WDR35: variants seen among roughly 807,000 people sequenced by gnomAD.
The protein encoded by WDR35 is WD repeat-containing protein 35.
Under a neutral mutation model 158.3 loss-of-function variants are expected in WDR35, and 118 were observed. That is an observed-to-expected ratio of 0.75 (90% CI 0.64 to 0.87). WDR35 has a LOEUF of 0.87. WDR35 is among the 40% of genes least tolerant of loss of function. The probability of loss-of-function intolerance (pLI) is 0.00; values close to 1 mark genes in which losing one functional copy is unlikely to be tolerated. For missense variants in WDR35, 1,263 were observed against 1,405.8 expected, an observed-to-expected ratio of 0.90 and a Z score of 1.62; for synonymous variants, 448 against 476.1, an observed-to-expected ratio of 0.94 and a Z score of 0.77.
chr2:19,986,865 G>C (rs1672581376), intron 2 of WDR35, among the ~76,000 whole-genome samples: 1 of 152,156 alleles, frequency 6.6e-6, no homozygotes, highest in Non-Finnish European at 1.5e-5. Context: ...ACACATATTA[G>C]GAACTTGTAT....
chr2:19,914,606 C>T (rs1669938973), intron 25 of WDR35, among the ~76,000 whole-genome samples: 1 of 152,082 alleles, frequency 6.6e-6, no homozygotes, highest in South Asian at 2.1e-4. Context: ...ATTTCTGTGG[C>T]ACTTCATAAA....
In WDR35 at chr2:19,983,110, G is replaced by A. The variant is rs566121771; in HGVS notation, c.143-576C>T. ...ATAAATGTAACTATAAACTGGGAATGTGAAAGCATAATAAGAAAGAGTAGC... is the reference window on the plus strand; with the variant it reads ...ATAAATGTAACTATAAACTGGGAATATGAAAGCATAATAAGAAAGAGTAGC... On this transcript the variant is annotated intron_variant, in intron 2 of 26. Transcript: ENST00000281405. Among the ~76,000 whole-genome samples the A allele has an allele frequency of 1.1e-3, 175 of 152,306 alleles. 1 individual carries two copies. The highest frequency in any genetic ancestry group is 3.9e-3 in the African/African-American group (163 of 41,576).
chr2:19,914,409 G>A (rs1456677865), intron 25 of WDR35, 132 bp from the exon 26 acceptor site: 4 of 1,159,226 alleles, frequency 3.5e-6, no homozygotes, highest in Non-Finnish European at 5.0e-6. Context: ...AGTGTTGAGA[G>A]ATGGGAGCAC....
chr2:19,954,012 A>G (rs768238258), intron 11 of WDR35, 34 bp from the exon 12 acceptor site: 2 of 1,613,298 alleles, frequency 1.2e-6, no homozygotes, highest in Admixed American at 3.3e-5. Flanking sequence ...ATTTACAGTT[A>G]CACAGAATTG....
At chr2:19,978,727 T>C (rs1032269179) in intron 5 of WDR35, 24 bp downstream of exon 5, 5 of 1,613,496 alleles carry the variant, frequency 3.1e-6, no homozygotes, top group Middle Eastern at 3.3e-4. Context: ...TTGATCTTAG[T>C]TCTATGTCCA....
intron 25 of WDR35, among the ~76,000 whole-genome samples, chr2:19,927,907 G>A (rs1362091036): frequency 6.6e-6 from 1 of 152,220 alleles, no homozygotes; most frequent in Non-Finnish European, 1.5e-5. Context: ...TCTATAGTCT[G>A]CAGATGTGGA....
intron 25 of WDR35, among the ~76,000 whole-genome samples, chr2:19,923,377 TAAG>T (rs1376018719): frequency 1.3e-5 from 2 of 152,036 alleles, no homozygotes; most frequent in Admixed American, 6.5e-5. Flanking sequence ...CCGTAGTGAG[TAAG>T]AAGGGGAGCT....
At chr2:19,963,241 G>A (rs1022480506) in intron 10 of WDR35, among the ~76,000 whole-genome samples, 2 of 152,086 alleles carry the variant, frequency 1.3e-5, no homozygotes, top group Non-Finnish European at 2.9e-5. Context: ...CAATTAAAAG[G>A]TGTTTTAAGT....
At chr2:19,915,768 T>A (rs1284733114) in intron 25 of WDR35, among the ~76,000 whole-genome samples, 1 of 151,932 alleles carries the variant, frequency 6.6e-6, no homozygotes, top group African/African-American at 2.4e-5. Flanking sequence ...GAAACACAGA[T>A]ACATAAGTGA....
chr2:19,982,363 T>C lies in WDR35; in HGVS notation c.214+100A>G. ...TCAAAGAGCATCTGTACTGTAAATATTACCATTATTTAAAATGTTGACATT... is the reference window on the plus strand; with the variant it reads ...TCAAAGAGCATCTGTACTGTAAATACTACCATTATTTAAAATGTTGACATT... On this transcript the variant is annotated intron_variant, in intron 3 of 26. Transcript: ENST00000281405. The C allele has an allele frequency of 2.7e-6, 3 of 1,109,696 alleles. No individual in the cohort carries two copies. In the South Asian group the frequency reaches 4.0e-5, roughly 15 times the overall value. The allele number at this position is 1,109,696 out of a possible 1,614,324, so 68.7% of individuals were successfully genotyped here.
intron 25 of WDR35, among the ~76,000 whole-genome samples, chr2:19,929,351 G>A (rs1241833907): frequency 1.3e-5 from 2 of 152,174 alleles, no homozygotes; most frequent in Non-Finnish European, 2.9e-5. Flanking sequence ...TTGGAATACA[G>A]ATTCATGATG....
At chr2:19,976,197 G>A (rs1235098590) in intron 5 of WDR35, among the ~76,000 whole-genome samples, 1 of 152,004 alleles carries the variant, frequency 6.6e-6, no homozygotes, top group Non-Finnish European at 1.5e-5. Flanking sequence ...TTCTTATGTG[G>A]ATTTAAACAC....
intron 11 of WDR35, among the ~76,000 whole-genome samples, chr2:19,954,559 A>C (rs191281767): frequency 6.6e-6 from 1 of 152,352 alleles, no homozygotes; most frequent in East Asian, 1.9e-4. Flanking sequence ...GCCAATAAGC[A>C]CATGAAAAAG....
intron 23 of WDR35, 30 bp downstream of exon 23, chr2:19,932,253 A>T: frequency 6.2e-7 from 1 of 1,612,452 alleles, no homozygotes; most frequent in Non-Finnish European, 8.5e-7. Context: ...ACTGGAACAA[A>T]TCAACTATTC....
At position 19,910,541 on chromosome 2, in the gene WDR35, T is replaced by C. The variant is rs747057532; in HGVS notation, c.*3017A>G. The C allele has an allele frequency of 1.8e-4, 28 of 151,932 alleles. No individual in the cohort carries two copies. Among genetic ancestry groups the C allele is most frequent in the Admixed American group, 1.1e-3 (17 of 15,246 alleles). 9.4% of individuals were successfully genotyped at this position (151,932 alleles called of 1,614,324 possible). The stretch of plus-strand genomic sequence containing the variant: ...ATGTAATGAAGGGCAAGTTTTATAA[T>C]AAAAAAAACAACTTGGCATTACTCA... On this transcript the variant is annotated 3_prime_UTR_variant, in exon 27 of 27. Transcript: ENST00000281405.
At chr2:19,975,435 C>A in intron 6 of WDR35, 95 bp downstream of exon 6, 3 of 1,310,462 alleles carry the variant, frequency 2.3e-6, no homozygotes, top group Admixed American at 2.8e-5. Context: ...ATTACACAAA[C>A]CGCCATAAAA....
chr2:19,932,108 C>T (rs529916265), intron 23 of WDR35, among the ~76,000 whole-genome samples, 175 bp downstream of exon 23: 3 of 152,144 alleles, frequency 2.0e-5, no homozygotes, highest in African/African-American at 7.2e-5. Flanking sequence ...TATTAATAAA[C>T]ATCTTTGTTG....
At chr2:19,929,241 C>G (rs897072526) in intron 25 of WDR35, among the ~76,000 whole-genome samples, 2 of 152,080 alleles carry the variant, frequency 1.3e-5, no homozygotes, top group Non-Finnish European at 1.5e-5. Context: ...CTCTAAAGAG[C>G]TCTTATAAAA....
At chr2:19,936,751 T>C (rs928149245) in intron 19 of WDR35, among the ~76,000 whole-genome samples, 4 of 152,194 alleles carry the variant, frequency 2.6e-5, no homozygotes, top group Non-Finnish European at 5.9e-5. Flanking sequence ...AGCACCATCT[T>C]GAAAGTGAGA....
Sources: gnomAD v4.1 joint callset for allele counts (sites outside exome capture counted in the v4.1 genomes callset) on GRCh38, gnomAD v4.1.1 for gene constraint, MANE v1.5 for transcripts, NCBI Gene and HGNC (gene_info 2026-07-23, HGNC 2026-07-21) for gene names.